The following ZDHHC23 variants were observed in gnomAD, a reference collection of about 807,000 sequenced individuals.
ZDHHC23 encodes the protein palmitoyltransferase ZDHHC23.
In ZDHHC23, 41 loss-of-function variants were observed where a neutral mutation model predicts 40.2. The ratio of observed to expected loss-of-function variants is 1.02; its 90% CI spans 0.79 to 1.32. ZDHHC23 has a LOEUF of 1.32. ZDHHC23 is among the 40% of genes most tolerant of loss of function. ZDHHC23 has a pLI of 0.00. For synonymous variants in ZDHHC23, 204 were observed against 210.2 expected (o/e 0.97, Z 0.26); for missense variants, 471 against 541.5 (o/e 0.87, Z 1.29).
Position 113,960,081 on chromosome 3 carries a change from G to A in ZDHHC23, c.*1451G>A, listed in dbSNP as rs1304387073. On this transcript the variant is annotated 3_prime_UTR_variant, in exon 5 of 5. Coordinates refer to ENST00000638807, the MANE Select transcript of ZDHHC23 (RefSeq NM_001320466.2). ...CTCCTTAAATTTGCCTTGGCTTATA[G>A]CTTAATATAGGGAAAATATTGCCAG... 1.0e-6 allele frequency: 1 copy of A among 989,486 alleles called. No homozygotes were observed. The highest frequency in any genetic ancestry group is 5.7e-5 in the Admixed American group (1 of 17,408). 61.3% of individuals were successfully genotyped at this position (989,486 alleles called of 1,614,324 possible).
intron 2 of ZDHHC23, among the ~76,000 whole-genome samples, chr3:113,950,060 C>T (rs1938513053): frequency 6.6e-6 from 1 of 152,176 alleles, no homozygotes; most frequent in Non-Finnish European, 1.5e-5. Flanking sequence ...CTAACTCTTC[C>T]TCCCTCCTAG....
intron 2 of ZDHHC23, among the ~76,000 whole-genome samples, chr3:113,952,019 C>T (rs1938718292): frequency 6.6e-6 from 1 of 152,084 alleles, no homozygotes; most frequent in South Asian, 2.1e-4. Context: ...TGCCTGTAAT[C>T]CCAGCTACTC....
At chr3:113,951,159 G>C (rs749620048) in intron 2 of ZDHHC23, among the ~76,000 whole-genome samples, 2 of 152,114 alleles carry the variant, frequency 1.3e-5, no homozygotes, top group Non-Finnish European at 2.9e-5. Flanking sequence ...GGCTCTACGG[G>C]GCTCTTGGGG....
At chr3:113,953,397 ATTTGT>A (rs1318682802) in intron 2 of ZDHHC23, among the ~76,000 whole-genome samples, 1 of 152,158 alleles carries the variant, frequency 6.6e-6, no homozygotes, top group East Asian at 1.9e-4. Context: ...CTAGATTGTG[ATTTGT>A]TTTGAGATTC....
In ZDHHC23 at chr3:113,953,715, A is replaced by G; in HGVS notation, c.177A>G (p.Lys59=). 1 of 1,613,284 alleles carries G rather than the reference A, an allele frequency of 6.2e-7. No individual in the cohort carries two copies. Among genetic ancestry groups the G allele is most frequent in the African/African-American group, 1.3e-5 (1 of 74,980 alleles). Residue 59 remains lysine (K), a synonymous_variant, in exon 3 of 5, where the codon AAA becomes AAG. Transcript: ENST00000638807. ...TTCTGAATAGATGGATTACATGTAA[A>G]TCTTTACAGCCAGAGACTTGTGAAA... ...DEGCDRWITC[K]SLQPETCERI...
chr3:113,974,004 T>C, the ZDHHC23 span, among the ~76,000 whole-genome samples: 4 of 151,726 alleles, frequency 2.6e-5, no homozygotes, highest in African/African-American at 9.7e-5. Flanking sequence ...GATAGCATAT[T>C]TTCAAGTGGC....
chr3:113,960,287 A>G lies in ZDHHC23; in HGVS notation c.*1657A>G. The G allele has an allele frequency of 9.8e-7, 1 of 1,020,198 alleles. No individual in the cohort carries two copies. Among genetic ancestry groups the G allele is most frequent in the Middle Eastern group, 5.0e-4 (1 of 2,018 alleles). 63.2% of individuals were successfully genotyped at this position (1,020,198 alleles called of 1,614,324 possible). Reference sequence around the variant, plus strand: ...TATTCAGGCTGTTGTCATTTTCCCCAGAGATGGTTTGTTTAACGAATGATA... The same window carrying G: ...TATTCAGGCTGTTGTCATTTTCCCCGGAGATGGTTTGTTTAACGAATGATA... On this transcript the variant is annotated 3_prime_UTR_variant, in exon 5 of 5. Coordinates refer to ENST00000638807, the MANE Select transcript of ZDHHC23 (RefSeq NM_001320466.2).
At chr3:113,956,815 G>A (rs9866271) in intron 4 of ZDHHC23, among the ~76,000 whole-genome samples, 80,375 of 152,072 alleles carry the variant, frequency 0.53, 21,403 homozygotes, top group East Asian at 0.63. Flanking sequence ...CAGTGAAACA[G>A]AAACAATAAA....
At chr3:113,949,296 T>C (rs1474514013) in intron 2 of ZDHHC23, among the ~76,000 whole-genome samples, 2 of 152,166 alleles carry the variant, frequency 1.3e-5, no homozygotes, top group Non-Finnish European at 2.9e-5. Context: ...ATGAACACAA[T>C]AGTTCCAGAA....
downstream of ZDHHC23, among the ~76,000 whole-genome samples, chr3:113,967,075 G>A (rs1940252963): frequency 6.6e-6 from 1 of 151,736 alleles, no homozygotes. Flanking sequence ...TTCCAGCCTG[G>A]GTAACAGAGT....
At chr3:113,951,155 A>G (rs890362288) in intron 2 of ZDHHC23, among the ~76,000 whole-genome samples, 2 of 152,012 alleles carry the variant, frequency 1.3e-5, no homozygotes, top group African/African-American at 4.8e-5. Flanking sequence ...TTGTGGCTCT[A>G]CGGGGCTCTT....
intron 4 of ZDHHC23, among the ~76,000 whole-genome samples, chr3:113,956,932 T>C (rs1388561520): frequency 1.3e-5 from 2 of 152,274 alleles, no homozygotes; most frequent in African/African-American, 4.8e-5. Context: ...AATCTTAATT[T>C]ACTGCTTCCG....
At chr3:113,949,006 T>TGA (rs1250360986) in intron 2 of ZDHHC23, 43 bp downstream of exon 2, 2 of 1,610,554 alleles carry the variant, frequency 1.2e-6, no homozygotes, top group East Asian at 4.5e-5. Flanking sequence ...ATCACCCTTC[T>TGA]GAGAACTGCC....
At position 113,948,847 on chromosome 3, in the gene ZDHHC23, C is replaced by A. The variant is rs371479069; in HGVS notation, c.45C>A (p.Thr15=). ...TGAAGCCTGTGAAGAAAAAGAAAAC[C>A]GAAGAACCTGAATTGGAGCCCCTGT... The part of the protein sequence containing the change: ...GSMKPVKKKK[T]EEPELEPLCC... The change falls in exon 2 of 5, where the codon ACC becomes ACA. Residue 15 remains threonine, a synonymous_variant. Coordinates refer to ENST00000638807, the MANE Select transcript of ZDHHC23 (RefSeq NM_001320466.2). 11 of 1,614,112 alleles carry A rather than the reference C, an allele frequency of 6.8e-6. No individual in the cohort carries two copies. The highest frequency in any genetic ancestry group is 2.7e-5 in the African/African-American group (2 of 75,004).
At chr3:113,956,228 C>A in intron 3 of ZDHHC23, 111 bp from the exon 4 acceptor site, 2 of 1,226,146 alleles carry the variant, frequency 1.6e-6, no homozygotes, top group Non-Finnish European at 2.3e-6. Flanking sequence ...GCCTGAACTA[C>A]AGAGCAAGAC....
At chr3:113,978,375 T>A in the ZDHHC23 span, 1 of 1,597,068 alleles carries the variant, frequency 6.3e-7, no homozygotes, top group South Asian at 1.1e-5. Context: ...AAAATATCAG[T>A]TGACAAAGAA....
chr3:113,950,028 C>T (rs1025063279), intron 2 of ZDHHC23, among the ~76,000 whole-genome samples: 1 of 152,120 alleles, frequency 6.6e-6, no homozygotes, highest in African/African-American at 2.4e-5. Context: ...CACTCAAGAC[C>T]GCAGCTCTTC....
In ZDHHC23 at chr3:113,961,830, A is replaced by G. The variant is rs1206013798; in HGVS notation, c.*3200A>G. On this transcript the variant is annotated 3_prime_UTR_variant, in exon 5 of 5. Coordinates refer to ENST00000638807, the MANE Select transcript of ZDHHC23 (RefSeq NM_001320466.2). The stretch of plus-strand genomic sequence containing the variant: ...CAGTGCCAGTAAGGTTCTACATACC[A>G]CTGACCATCTGCTTAATAGACATGT... The G allele has an allele frequency of 1.3e-5, 2 of 152,660 alleles. No homozygotes were observed. Among genetic ancestry groups the G allele is most frequent in the African/African-American group, 2.4e-5 (1 of 41,462 alleles). The allele number at this position is 152,660 out of a possible 1,614,324, so 9.5% of individuals were successfully genotyped here.
downstream of ZDHHC23, chr3:113,965,512 A>T (rs1363542572): frequency 2.4e-6 from 1 of 420,804 alleles, no homozygotes; most frequent in Non-Finnish European, 4.1e-6. Context: ...ACAGTGTGAA[A>T]TGCTGTGAAA....
Sources: allele counts gnomAD v4.1 joint callset (sites outside exome capture counted in the v4.1 genomes callset), GRCh38; gene constraint gnomAD v4.1.1; transcripts MANE v1.5; gene names NCBI Gene and HGNC (gene_info 2026-07-23, HGNC 2026-07-21).